Variants in PRKACB observed in about 807,000 individuals in gnomAD.
PRKACB encodes the protein protein kinase cAMP-activated catalytic subunit beta, also known as cAMP-dependent protein kinase catalytic subunit beta.
In PRKACB, 16 loss-of-function variants were observed where a neutral mutation model predicts 51.4. The ratio of observed to expected loss-of-function variants is 0.31; its 90% CI spans 0.21 to 0.47. The LOEUF is 0.47. Ranked by LOEUF, PRKACB falls within the 20% of genes least tolerant of loss-of-function variation. The pLI, the probability that PRKACB is intolerant of heterozygous loss-of-function variation, is 1.00. For missense variants in PRKACB, 309 were observed against 464.5 expected (o/e 0.67, Z 3.08); for synonymous variants, 147 against 154.4 (o/e 0.95, Z 0.35).
chr1:84,098,216 A>G (rs1649073500), intron 1 of PRKACB, among the ~76,000 whole-genome samples: 2 of 152,084 alleles, frequency 1.3e-5, no homozygotes, highest in South Asian at 4.1e-4. Flanking sequence ...AGGAGTTATT[A>G]TTTTGCAGAA....
At position 84,179,246 on chromosome 1, in the gene PRKACB, A is replaced by C; in HGVS notation, c.249+8A>C. 3 of 1,557,928 alleles carry C rather than the reference A, an allele frequency of 1.9e-6. No individual in the cohort carries two copies. Among genetic ancestry groups the C allele is most frequent in the Non-Finnish European group, 2.6e-6 (3 of 1,155,436 alleles). On this transcript the variant is annotated splice_region_variant and intron_variant, in intron 2 of 9. Coordinates refer to ENST00000370685, the MANE Select transcript of PRKACB (RefSeq NM_182948.4). ...TGGGAGAATCCAACTCAGGTAAGGA[A>C]TATTTAGATTTTTCTAAAATTAAAA...
At chr1:84,089,392 G>T (rs1402956901) in intron 1 of PRKACB, among the ~76,000 whole-genome samples, 1 of 152,116 alleles carries the variant, frequency 6.6e-6, no homozygotes, top group African/African-American at 2.4e-5. Flanking sequence ...TTGGTATGGG[G>T]AGATTGGTCT....
chr1:84,111,676 A>G (rs1309816467), intron 1 of PRKACB, among the ~76,000 whole-genome samples: 4 of 152,072 alleles, frequency 2.6e-5, no homozygotes, highest in Non-Finnish European at 5.9e-5. Context: ...CCGTGACACA[A>G]GTTTACCTAT....
intron 5 of PRKACB, among the ~76,000 whole-genome samples, chr1:84,192,540 T>C (rs1309246029): frequency 6.6e-6 from 1 of 152,076 alleles, no homozygotes; most frequent in African/African-American, 2.4e-5. Flanking sequence ...TGAGGATTTT[T>C]GGGAAAAAAG....
intron 3 of PRKACB, 42 bp from the exon 4 acceptor site, chr1:84,183,995 T>A (rs1254452225): frequency 1.4e-6 from 2 of 1,479,668 alleles, no homozygotes; most frequent in Non-Finnish European, 1.8e-6. Flanking sequence ...ACTTTTTAAT[T>A]TTGCTTAAAT....
At chr1:84,201,479 CAT>C (rs1435748825) in intron 7 of PRKACB, among the ~76,000 whole-genome samples, 1 of 151,756 alleles carries the variant, frequency 6.6e-6, no homozygotes, top group East Asian at 1.9e-4. Flanking sequence ...ACAATTTAAA[CAT>C]ATGAATCAAA....
rs1324905509 is a variant in PRKACB at position 84,199,092 on chromosome 1, TATATGCATATATGTATATATATGC to T, written c.783+1273_783+1296del. 1.5e-3 allele frequency among the ~76,000 whole-genome samples: 212 copies of T among 140,180 alleles called. 1 individual carries two copies. The highest frequency in any genetic ancestry group is 5.2e-3 in the South Asian group (24 of 4,588). The allele number at this position is 140,180 out of a possible 152,430, so 92.0% of individuals were successfully genotyped here. A position where few individuals can be genotyped will look rare whatever the true frequency, so the allele number is the denominator to read the frequency against. The stretch of plus-strand genomic sequence containing the variant: ...ATGCATATATGTATATATATGCGTA[TATATGCATATATGTATATATATGC>T]ATATATATATATATATACACACACA... On this transcript the variant is annotated intron_variant, in intron 7 of 9. Coordinates refer to ENST00000370685, the MANE Select transcript of PRKACB (RefSeq NM_182948.4).
At chr1:84,195,054 A>G (rs904372230) in intron 5 of PRKACB, among the ~76,000 whole-genome samples, 3 of 152,224 alleles carry the variant, frequency 2.0e-5, no homozygotes, top group African/African-American at 4.8e-5. Context: ...ATGCATGTAA[A>G]CGTGCATTTT....
chr1:84,207,387 T>C (rs548207215), intron 8 of PRKACB, among the ~76,000 whole-genome samples: 2 of 152,320 alleles, frequency 1.3e-5, no homozygotes, highest in Admixed American at 1.3e-4. Flanking sequence ...TTTTCACATA[T>C]AGAATCCAGG....
At chr1:84,134,472 C>G (rs943090649) in intron 1 of PRKACB, among the ~76,000 whole-genome samples, 1 of 152,070 alleles carries the variant, frequency 6.6e-6, no homozygotes, top group East Asian at 1.9e-4. Flanking sequence ...TGGGAATACT[C>G]TATTACAAAG....
chr1:84,140,994 C>G (rs540288268), upstream of PRKACB, among the ~76,000 whole-genome samples: 2 of 151,986 alleles, frequency 1.3e-5, no homozygotes, highest in East Asian at 3.9e-4. Context: ...GAGTAAATCA[C>G]TTTATATGTG....
intron 1 of PRKACB, among the ~76,000 whole-genome samples, chr1:84,126,011 G>T (rs945423179): frequency 2.0e-5 from 3 of 148,256 alleles, no homozygotes; most frequent in African/African-American, 7.5e-5. Context: ...TGGGTACAGG[G>T]ACTGGGACAA....
chr1:84,120,739 A>C (rs1362394341), intron 1 of PRKACB, among the ~76,000 whole-genome samples: 1 of 152,112 alleles, frequency 6.6e-6, no homozygotes, highest in Non-Finnish European at 1.5e-5. Context: ...TCATAGTTTA[A>C]TTGCTGTACA....
intron 7 of PRKACB, among the ~76,000 whole-genome samples, chr1:84,200,065 T>C (rs1234886304): frequency 6.6e-6 from 1 of 152,098 alleles, no homozygotes; most frequent in African/African-American, 2.4e-5. Flanking sequence ...CAGGCTGGTC[T>C]TGAACTCCCG....
At chr1:84,134,476 TA>T (rs1652591874) in intron 1 of PRKACB, among the ~76,000 whole-genome samples, 1 of 152,152 alleles carries the variant, frequency 6.6e-6, no homozygotes, top group Non-Finnish European at 1.5e-5. Flanking sequence ...AATACTCTAT[TA>T]CAAAGTACCT....
At chr1:84,189,689 C>T (rs141979647) in intron 5 of PRKACB, among the ~76,000 whole-genome samples, 39 of 151,928 alleles carry the variant, frequency 2.6e-4, no homozygotes, top group African/African-American at 8.9e-4. Context: ...CATTTCAAAC[C>T]TAAAACTAGG....
intron 9 of PRKACB, among the ~76,000 whole-genome samples, chr1:84,232,188 C>A (rs1403894636): frequency 2.0e-5 from 3 of 151,950 alleles, no homozygotes; most frequent in African/African-American, 7.3e-5. Context: ...ACCCAGTAGT[C>A]ATTCAGGAGC....
At chr1:84,114,998 A>G (rs1371196556) in intron 1 of PRKACB, among the ~76,000 whole-genome samples, 2 of 152,216 alleles carry the variant, frequency 1.3e-5, no homozygotes, top group African/African-American at 4.8e-5. Context: ...CAGTAAACAC[A>G]CAAGTGCAGA....
At chr1:84,177,881 T>C (rs778473478) in intron 1 of PRKACB, among the ~76,000 whole-genome samples, 2 of 152,078 alleles carry the variant, frequency 1.3e-5, no homozygotes, top group Non-Finnish European at 2.9e-5. Context: ...TTTCCTACAA[T>C]GGGAAAATTC....
Sources: gnomAD v4.1 joint callset for allele counts (sites outside exome capture counted in the v4.1 genomes callset) on GRCh38, gnomAD v4.1.1 for gene constraint, MANE v1.5 for transcripts, NCBI Gene and HGNC (gene_info 2026-07-23, HGNC 2026-07-21) for gene names.